The following RNF182 variants were observed in gnomAD, a reference collection of about 807,000 sequenced individuals.
RNF182 encodes the protein ring finger protein 182.
Under a neutral mutation model 14.4 loss-of-function variants are expected in RNF182, and 15 were observed. That is an observed-to-expected ratio of 1.04 (90% CI 0.70 to 1.60). The LOEUF (loss-of-function observed/expected upper bound fraction) is 1.60, where lower values mean the gene tolerates loss of function less well. RNF182 is among the 40% of genes most tolerant of loss of function. RNF182 has a pLI of 0.00. For synonymous variants in RNF182, 128 were observed against 122.9 expected (o/e 1.04, Z -0.27); for missense variants, 268 against 294.8 (o/e 0.91, Z 0.67).
chr6:13,939,041 C>T (rs945682332), intron 1 of RNF182, among the ~76,000 whole-genome samples: 1 of 152,166 alleles, frequency 6.6e-6, no homozygotes, highest in Admixed American at 6.5e-5. Flanking sequence ...CAAGATTGCA[C>T]CACTGCACTC....
At chr6:13,935,624 G>T (rs555941843) in intron 1 of RNF182, among the ~76,000 whole-genome samples, 1 of 152,290 alleles carries the variant, frequency 6.6e-6, no homozygotes, top group East Asian at 1.9e-4. Context: ...GATCCAAAAA[G>T]ATAGCACATT....
At chr6:13,971,596 A>G (rs758091057) in intron 1 of RNF182, among the ~76,000 whole-genome samples, 23 of 152,206 alleles carry the variant, frequency 1.5e-4, no homozygotes, top group Non-Finnish European at 2.8e-4. Context: ...TCAGAAGAAG[A>G]CAGGAAAATG....
intron 1 of RNF182, among the ~76,000 whole-genome samples, chr6:13,932,492 G>A (rs10949012): frequency 0.18 from 27,642 of 151,812 alleles, 2,703 homozygotes; most frequent in Non-Finnish European, 0.21. Flanking sequence ...ATTTTAAATC[G>A]CATGTTACTT....
chr6:13,950,094 C>CA (rs1348276990), intron 1 of RNF182, among the ~76,000 whole-genome samples: 3 of 152,260 alleles, frequency 2.0e-5, no homozygotes, highest in Non-Finnish European at 4.4e-5. Flanking sequence ...TAAGCTTTTA[C>CA]AAAAAATACA....
chr6:13,971,129 TG>T (rs1246782312), intron 1 of RNF182, among the ~76,000 whole-genome samples: 1 of 152,146 alleles, frequency 6.6e-6, no homozygotes, highest in African/African-American at 2.4e-5. Flanking sequence ...CCTGATGATA[TG>T]ATTTGGCTCT....
At chr6:13,963,027 T>C (rs1561785186) in intron 1 of RNF182, among the ~76,000 whole-genome samples, 1 of 152,216 alleles carries the variant, frequency 6.6e-6, no homozygotes, top group African/African-American at 2.4e-5. Context: ...TGACTTCTTA[T>C]GTAATCTTAG....
intron 1 of RNF182, among the ~76,000 whole-genome samples, chr6:13,931,045 A>G (rs1236987487): frequency 6.6e-6 from 1 of 152,022 alleles, no homozygotes; most frequent in Non-Finnish European, 1.5e-5. Context: ...GCAAATTCAG[A>G]GTGGCAGGTA....
chr6:13,960,867 G>A (rs1759863202), intron 1 of RNF182, among the ~76,000 whole-genome samples: 1 of 152,116 alleles, frequency 6.6e-6, no homozygotes, highest in Non-Finnish European at 1.5e-5. Flanking sequence ...CTTTGGCCAA[G>A]GGAAATTATG....
chr6:13,969,566 T>C lies in RNF182; in HGVS notation c.-366-4644T>C, dbSNP rs536555760. On this transcript the variant is annotated intron_variant, in intron 1 of 2. Transcript: ENST00000488300. ...AGAAAAAAAGATCCTAGGTAGACAA[T>C]AACAACAGGTGTCCACTGGAGGGAC... Among the ~76,000 whole-genome samples the C allele has an allele frequency of 5.3e-5, 8 of 152,220 alleles. No homozygotes were observed. In the South Asian group the frequency reaches 1.7e-3, roughly 32 times the overall value.
At chr6:13,945,271 C>T (rs1759409980) in intron 1 of RNF182, among the ~76,000 whole-genome samples, 1 of 152,160 alleles carries the variant, frequency 6.6e-6, no homozygotes, top group African/African-American at 2.4e-5. Context: ...TTGATTTAGC[C>T]AAAAATTATT....
At chr6:13,955,773 A>G (rs911302474) in intron 1 of RNF182, among the ~76,000 whole-genome samples, 1 of 152,144 alleles carries the variant, frequency 6.6e-6, no homozygotes, top group African/African-American at 2.4e-5. Context: ...TTATTAGGCC[A>G]GGTACAGTGT....
At chr6:13,931,591 A>G (rs1758970818) in intron 1 of RNF182, among the ~76,000 whole-genome samples, 2 of 152,018 alleles carry the variant, frequency 1.3e-5, no homozygotes, top group South Asian at 4.2e-4. Context: ...TCTGAATAGT[A>G]AGGAATAAAC....
intron 1 of RNF182, among the ~76,000 whole-genome samples, chr6:13,945,457 G>A (rs1169533937): frequency 6.6e-6 from 1 of 152,158 alleles, no homozygotes; most frequent in Admixed American, 6.5e-5. Context: ...CCGTTTAGAT[G>A]ATTTTGCAGA....
At chr6:13,929,051 C>G (rs1758903640) in intron 1 of RNF182, among the ~76,000 whole-genome samples, 1 of 152,178 alleles carries the variant, frequency 6.6e-6, no homozygotes, top group Non-Finnish European at 1.5e-5. Context: ...TGGTGCTGGT[C>G]CTGGTCACTT....
At chr6:13,945,748 T>C (rs990991108) in intron 1 of RNF182, among the ~76,000 whole-genome samples, 1 of 152,236 alleles carries the variant, frequency 6.6e-6, no homozygotes, top group African/African-American at 2.4e-5. Flanking sequence ...TGTGCCTTAA[T>C]TTCATCTTGA....
At chr6:13,971,399 A>G (rs1298218479) in intron 1 of RNF182, among the ~76,000 whole-genome samples, 1 of 152,124 alleles carries the variant, frequency 6.6e-6, no homozygotes, top group Non-Finnish European at 1.5e-5. Flanking sequence ...GCCATGTGAA[A>G]TTGTGAGTCC....
chr6:13,942,897 G>T (rs1461806576), intron 1 of RNF182, among the ~76,000 whole-genome samples: 2 of 151,644 alleles, frequency 1.3e-5, no homozygotes, highest in Admixed American at 1.3e-4. Flanking sequence ...TTTTGTTAGG[G>T]CTTTATGGAA....
chr6:13,934,386 T>G (rs1419953307), intron 1 of RNF182, among the ~76,000 whole-genome samples: 2 of 152,232 alleles, frequency 1.3e-5, no homozygotes, highest in African/African-American at 4.8e-5. Flanking sequence ...TTCTGTTGGA[T>G]TCTTCATTTC....
chr6:13,935,130 A>G (rs911840508), intron 1 of RNF182, among the ~76,000 whole-genome samples: 1 of 152,228 alleles, frequency 6.6e-6, no homozygotes, highest in Non-Finnish European at 1.5e-5. Context: ...GAATGGATGT[A>G]CATGGAAGAT....
Sources: allele counts gnomAD v4.1 joint callset (sites outside exome capture counted in the v4.1 genomes callset), GRCh38; gene constraint gnomAD v4.1.1; transcripts MANE v1.5; gene names NCBI Gene and HGNC (gene_info 2026-07-23, HGNC 2026-07-21).